The following LRBA variants were observed in gnomAD, a reference collection of about 807,000 sequenced individuals.
The protein encoded by LRBA is LPS responsive beige-like anchor protein, also known as lipopolysaccharide-responsive and beige-like anchor protein.
In LRBA, 176 loss-of-function variants were observed where a neutral mutation model predicts 330.0. That is an observed-to-expected ratio of 0.53 (90% CI 0.47 to 0.60). LRBA has a LOEUF of 0.60. Among genes scored for constraint, LRBA ranks in the 20% least tolerant of loss-of-function variants. The pLI, the probability that LRBA is intolerant of heterozygous loss-of-function variation, is 0.00. For missense variants in LRBA, 3,259 were observed against 3,444.8 expected (o/e 0.95, Z 1.35); for synonymous variants, 1,230 against 1,193.0 (o/e 1.03, Z -0.64).
intron 42 of LRBA, among the ~76,000 whole-genome samples, chr4:150,485,056 C>T (rs1016172751): frequency 4.0e-5 from 6 of 151,882 alleles, no homozygotes; most frequent in Admixed American, 6.6e-5. Flanking sequence ...ATATGGTCAA[C>T]GTGATAAATG....
At chr4:150,870,748 G>A in intron 19 of LRBA, 142 bp from the exon 20 acceptor site, 1 of 509,892 alleles carries the variant, frequency 2.0e-6, no homozygotes, top group African/African-American at 1.9e-5. Context: ...ATATTGTCAT[G>A]CTAAATAATA....
chr4:150,945,741 A>G (rs760489027), intron 2 of LRBA, among the ~76,000 whole-genome samples: 2 of 152,166 alleles, frequency 1.3e-5, no homozygotes, highest in Non-Finnish European at 2.9e-5. Flanking sequence ...AATGCAGACA[A>G]ATTTTTGAGG....
intron 2 of LRBA, among the ~76,000 whole-genome samples, chr4:150,946,199 G>A (rs2149534701): frequency 6.6e-6 from 1 of 152,286 alleles, no homozygotes; most frequent in Admixed American, 6.5e-5. Flanking sequence ...AAGTAACTGT[G>A]CCTTCCTCAA....
intron 41 of LRBA, among the ~76,000 whole-genome samples, chr4:150,489,604 TAATATATAATATATAAG>T (rs1444630818): frequency 3.0e-4 from 20 of 66,008 alleles, no homozygotes; most frequent in South Asian, 1.2e-3. Flanking sequence ...TAAGAATATA[TAATATATAATATATAAG>T]AATATATAAT....
intron 28 of LRBA, 62 bp downstream of exon 28, chr4:150,844,038 T>C: frequency 9.9e-7 from 1 of 1,013,844 alleles, no homozygotes; most frequent in Non-Finnish European, 1.5e-6. Flanking sequence ...TCTCAATACA[T>C]TAGGCCTAAG....
chr4:150,400,632 T>C (rs1745334537), intron 47 of LRBA, among the ~76,000 whole-genome samples: 2 of 152,130 alleles, frequency 1.3e-5, no homozygotes, highest in Non-Finnish European at 2.9e-5. Context: ...GGAGGGAGGA[T>C]GGCTTGAAGC....
intron 11 of LRBA, among the ~76,000 whole-genome samples, chr4:150,907,076 C>T (rs533560113): frequency 1.1e-4 from 17 of 149,554 alleles, no homozygotes; most frequent in African/African-American, 3.9e-4. Flanking sequence ...TAAAGATCCC[C>T]GGAAAGGAAA....
intron 36 of LRBA, among the ~76,000 whole-genome samples, chr4:150,709,556 G>A (rs1446044350): frequency 1.3e-5 from 2 of 151,584 alleles, no homozygotes; most frequent in African/African-American, 4.8e-5. Context: ...CTTTTAATCA[G>A]GTAAAAAAGA....
intron 37 of LRBA, among the ~76,000 whole-genome samples, chr4:150,657,592 A>T (rs969633311): frequency 1.2e-4 from 19 of 152,008 alleles, no homozygotes; most frequent in African/African-American, 4.1e-4. Context: ...ATAAAGTTTT[A>T]AAAAAATACA....
intron 37 of LRBA, among the ~76,000 whole-genome samples, chr4:150,619,759 A>C (rs1776120875): frequency 6.6e-6 from 1 of 152,172 alleles, no homozygotes; most frequent in Non-Finnish European, 1.5e-5. Flanking sequence ...GCACAAGAAG[A>C]AGCAACTAGT....
chr4:150,953,968 C>CG (rs1737185937), intron 2 of LRBA, among the ~76,000 whole-genome samples: 2 of 5,842 alleles, frequency 3.4e-4, no homozygotes, highest in Non-Finnish European at 1.7e-3. Flanking sequence ...GCGCCTCTGC[C>CG]CCGCCACCCC....
chr4:150,721,010 T>A (rs1728859154), intron 36 of LRBA: 2 of 531,824 alleles, frequency 3.8e-6, no homozygotes, highest in Admixed American at 4.2e-5. Context: ...ATGTTAGAGA[T>A]TACAATTTGA....
At chr4:150,495,145 C>T (rs530557358) in intron 40 of LRBA, among the ~76,000 whole-genome samples, 7 of 152,262 alleles carry the variant, frequency 4.6e-5, no homozygotes, top group East Asian at 3.9e-4. Flanking sequence ...ACACGCATAA[C>T]GCTTCCTGAT....
In LRBA at chr4:150,872,689, A is replaced by T; in HGVS notation, c.2232T>A (p.Gly744=). ...GIRVQALKAM[G]YFLKHLAPKR... Reference sequence around the variant, plus strand: ...TTGGGGCCAGATGTTTTAAAAAATAACCCATTGCCTTAAGAGCTTGTACCC... The same window carrying T: ...TTGGGGCCAGATGTTTTAAAAAATATCCCATTGCCTTAAGAGCTTGTACCC... Residue 744 remains glycine (G), a synonymous_variant, in exon 18 of 57, where the codon GGT becomes GGA. Transcript: ENST00000651943. The T allele has an allele frequency of 6.2e-7, 1 of 1,610,168 alleles. No homozygotes were observed. The highest frequency in any genetic ancestry group is 2.2e-5 in the East Asian group (1 of 44,576).
chr4:150,413,367 C>T (rs955979621), intron 47 of LRBA, among the ~76,000 whole-genome samples: 5 of 151,474 alleles, frequency 3.3e-5, no homozygotes, highest in African/African-American at 9.7e-5. Flanking sequence ...TTTATAATAG[C>T]CCAAACTAGA....
intron 13 of LRBA, among the ~76,000 whole-genome samples, chr4:150,902,899 G>A (rs1397244853): frequency 6.6e-6 from 1 of 152,130 alleles, no homozygotes; most frequent in African/African-American, 2.4e-5. Context: ...TCAAGACTGA[G>A]AACCACCACT....
At chr4:150,810,365 T>C (rs982870008) in intron 31 of LRBA, among the ~76,000 whole-genome samples, 4 of 152,174 alleles carry the variant, frequency 2.6e-5, no homozygotes, top group Non-Finnish European at 4.4e-5. Context: ...AACTTAACTG[T>C]AGTTAATCTT....
chr4:150,720,990 A>G (rs2127079114), intron 36 of LRBA: 2 of 515,792 alleles, frequency 3.9e-6, no homozygotes, highest in Middle Eastern at 6.2e-4. Context: ...CATGGCACAG[A>G]AAGAGGGAGA....
intron 53 of LRBA, among the ~76,000 whole-genome samples, chr4:150,292,868 T>C (rs1035633907): frequency 1.3e-5 from 2 of 152,176 alleles, no homozygotes; most frequent in Non-Finnish European, 2.9e-5. Flanking sequence ...CAACTAATTT[T>C]GTATGCAAAA....
Sources: allele counts gnomAD v4.1 joint callset (sites outside exome capture counted in the v4.1 genomes callset), GRCh38; gene constraint gnomAD v4.1.1; transcripts MANE v1.5; gene names NCBI Gene and HGNC (gene_info 2026-07-23, HGNC 2026-07-21).